PSD3: variants seen among roughly 807,000 people sequenced by gnomAD.
PSD3 encodes the protein pleckstrin and Sec7 domain containing 3.
Under a neutral mutation model 105.5 loss-of-function variants are expected in PSD3, and 49 were observed. That is an observed-to-expected ratio of 0.46 (90% CI 0.37 to 0.59). The LOEUF (loss-of-function observed/expected upper bound fraction) is 0.59, where lower values mean the gene tolerates loss of function less well. PSD3 is among the 20% of genes least tolerant of loss of function. The pLI is 0.00. For synonymous variants in PSD3, 557 were observed against 457.8 expected, an observed-to-expected ratio of 1.22 and a Z score of -2.77; for missense variants, 1,561 against 1,263.8, an observed-to-expected ratio of 1.24 and a Z score of -3.57.
At chr8:18,965,429 G>T (rs1474297099) in intron 1 of PSD3, among the ~76,000 whole-genome samples, 1 of 152,186 alleles carries the variant, frequency 6.6e-6, no homozygotes, top group Admixed American at 6.5e-5. Context: ...TGCTGGTAAG[G>T]CCTTGTTCTC....
intron 12 of PSD3, among the ~76,000 whole-genome samples, chr8:18,582,159 G>A (rs1802861782): frequency 6.6e-6 from 1 of 152,100 alleles, no homozygotes; most frequent in Non-Finnish European, 1.5e-5. Flanking sequence ...AAAGAGGAGT[G>A]GAGTGGATCA....
At chr8:18,840,714 AC>A (rs1029941364) in intron 4 of PSD3, among the ~76,000 whole-genome samples, 5 of 151,990 alleles carry the variant, frequency 3.3e-5, no homozygotes, top group Non-Finnish European at 5.9e-5. Context: ...TAGAGACCAC[AC>A]CCTGAACTAC....
chr8:18,744,036 CACT>C (rs956037676), intron 9 of PSD3, among the ~76,000 whole-genome samples: 1 of 150,458 alleles, frequency 6.6e-6, no homozygotes, highest in African/African-American at 2.4e-5. Context: ...CTGACATCAC[CACT>C]ATTAACACAT....
chr8:19,013,600 G>A lies in PSD3; in HGVS notation c.-17C>T, dbSNP rs143508562. On this transcript the variant is annotated 5_prime_UTR_variant, in exon 1 of 16. Transcript: ENST00000327040. ...TCCTTCCATCTTCCATCGCCAGCCC[G>A]GCCGCGCGCCGAAACCGCCGCCGGG... The A allele has an allele frequency of 0.13, 195,638 of 1,461,672 alleles. 14,254 individuals are homozygous for A. The highest frequency in any genetic ancestry group is 0.15 in the Non-Finnish European group (163,794 of 1,112,822). 90.5% of individuals were successfully genotyped at this position (1,461,672 alleles called of 1,614,324 possible). A position where few individuals can be genotyped will look rare whatever the true frequency, so the allele number is the denominator to read the frequency against.
chr8:18,640,781 A>C (rs1468650256), intron 10 of PSD3, among the ~76,000 whole-genome samples: 1 of 152,206 alleles, frequency 6.6e-6, no homozygotes, highest in African/African-American at 2.4e-5. Flanking sequence ...CTATTTAGGA[A>C]GCAGAACTAA....
intron 1 of PSD3, among the ~76,000 whole-genome samples, chr8:19,062,048 T>A (rs903914890): frequency 5.9e-5 from 9 of 152,304 alleles, no homozygotes; most frequent in African/African-American, 1.9e-4. Flanking sequence ...TGTGAACTCT[T>A]TGAGGCCATT....
At chr8:18,708,165 T>G (rs1802013108) in intron 9 of PSD3, among the ~76,000 whole-genome samples, 1 of 152,206 alleles carries the variant, frequency 6.6e-6, no homozygotes, top group African/African-American at 2.4e-5. Context: ...GGGGCTCACT[T>G]TAAACCTCAG....
chr8:19,012,095 C>T (rs1826977487), intron 1 of PSD3, among the ~76,000 whole-genome samples: 1 of 152,214 alleles, frequency 6.6e-6, no homozygotes, highest in South Asian at 2.1e-4. Context: ...CAAAAACTCA[C>T]CCAGTCAGTG....
chr8:18,664,820 C>T (rs772773071), intron 9 of PSD3, among the ~76,000 whole-genome samples: 11 of 152,206 alleles, frequency 7.2e-5, no homozygotes, highest in Non-Finnish European at 1.5e-4. Flanking sequence ...GAAGCCAATG[C>T]TCAAGTATCA....
chr8:18,712,763 A>G (rs898226370), intron 9 of PSD3, among the ~76,000 whole-genome samples: 1 of 151,994 alleles, frequency 6.6e-6, no homozygotes, highest in Non-Finnish European at 1.5e-5. Context: ...AAAAGGAAGA[A>G]CTCCTCCCTT....
intron 1 of PSD3, among the ~76,000 whole-genome samples, chr8:18,992,261 T>C (rs1037389565): frequency 6.6e-6 from 1 of 152,084 alleles, no homozygotes; most frequent in Admixed American, 6.6e-5. Flanking sequence ...AGTGGGACTA[T>C]AGCTTGCTGA....
chr8:18,588,122 A>T (rs575796482), intron 12 of PSD3, among the ~76,000 whole-genome samples: 63 of 152,288 alleles, frequency 4.1e-4, no homozygotes, highest in African/African-American at 1.4e-3. Context: ...CTATGATGCA[A>T]AAGTCTGCTC....
chr8:18,913,751 G>A (rs1294384402), intron 2 of PSD3, among the ~76,000 whole-genome samples: 2 of 152,078 alleles, frequency 1.3e-5, no homozygotes, highest in Non-Finnish European at 2.9e-5. Context: ...ATCCAGGACT[G>A]CCCGTACAGG....
Position 18,871,859 on chromosome 8 carries a change from T to C in PSD3, c.1005A>G (p.Lys335=), listed in dbSNP as rs1817375161. The C allele has an allele frequency of 6.2e-7, 1 of 1,614,100 alleles. No homozygotes were observed. Among genetic ancestry groups the C allele is most frequent in the South Asian group, 1.1e-5 (1 of 91,084 alleles). ...SLQRTASPDS[K]ESSKVPRHLI... is the part of the protein sequence containing the mutation. Reference sequence around the variant, plus strand: ...GATGGCGTGGCACTTTGGAAGACTCTTTGCTGTCAGGAGAGGCTGTTCTTT... The same window carrying C: ...GATGGCGTGGCACTTTGGAAGACTCCTTGCTGTCAGGAGAGGCTGTTCTTT... The change falls in exon 3 of 16, where the codon AAA becomes AAG. Residue 335 remains lysine, a synonymous_variant. Transcript: ENST00000327040.
intron 3 of PSD3, among the ~76,000 whole-genome samples, chr8:18,869,114 T>C (rs186574251): frequency 2.3e-3 from 350 of 151,904 alleles, no homozygotes; most frequent in African/African-American, 8.0e-3. Flanking sequence ...TCCACTGCAC[T>C]TGGCATAAAC....
At chr8:18,979,372 C>G (rs1825133408) in intron 1 of PSD3, among the ~76,000 whole-genome samples, 1 of 152,072 alleles carries the variant, frequency 6.6e-6, no homozygotes, top group East Asian at 1.9e-4. Flanking sequence ...TACATGATGC[C>G]AAGTGAGTTT....
rs1205314101 is a variant in PSD3, at chr8:18,765,442, T to G, written c.2172+7A>C. ...CATACACTAAAAACCAATAGTTCCA[T>G]GCTTACTTTCAGCAGATCCTTGGAG... On this transcript the variant is annotated splice_region_variant and intron_variant, in intron 9 of 15. Coordinates refer to ENST00000327040, the MANE Select transcript of PSD3 (RefSeq NM_015310.4). 6.3e-7 allele frequency: 1 copy of G among 1,595,596 alleles called. No homozygotes were observed. The highest frequency in any genetic ancestry group is 1.3e-5 in the African/African-American group (1 of 74,608).
At chr8:18,647,757 C>T (rs2130822072) in intron 10 of PSD3, among the ~76,000 whole-genome samples, 1 of 151,870 alleles carries the variant, frequency 6.6e-6, no homozygotes, top group African/African-American at 2.4e-5. Flanking sequence ...GAATGTGGGG[C>T]CTGGTGAGAG....
chr8:18,845,948 T>C (rs1312576861), intron 4 of PSD3, among the ~76,000 whole-genome samples: 1 of 152,208 alleles, frequency 6.6e-6, no homozygotes, highest in Non-Finnish European at 1.5e-5. Context: ...TGTAATAATC[T>C]CCACTCAATA....
Sources: allele counts gnomAD v4.1 joint callset (sites outside exome capture counted in the v4.1 genomes callset), GRCh38; gene constraint gnomAD v4.1.1; transcripts MANE v1.5; gene names NCBI Gene and HGNC (gene_info 2026-07-23, HGNC 2026-07-21).